The following NRG3 variants were observed in gnomAD, a reference collection of about 807,000 sequenced individuals.
The protein encoded by NRG3 is pro-neuregulin-3, membrane-bound isoform.
In NRG3, 31 loss-of-function variants were observed where a neutral mutation model predicts 66.9. The ratio of observed to expected loss-of-function variants is 0.46; its 90% CI spans 0.35 to 0.63. The LOEUF (loss-of-function observed/expected upper bound fraction) is 0.63. Among genes scored for constraint, NRG3 ranks in the 20% least tolerant of loss-of-function variants. The pLI, the probability that NRG3 is intolerant of heterozygous loss-of-function variation, is 0.00. For missense variants in NRG3, 910 were observed against 878.9 expected (o/e 1.04, Z -0.45); for synonymous variants, 393 against 359.4 (o/e 1.09, Z -1.06).
At chr10:82,503,680 C>G (rs925018797) in intron 2 of NRG3, among the ~76,000 whole-genome samples, 6 of 152,090 alleles carry the variant, frequency 3.9e-5, no homozygotes, top group African/African-American at 1.2e-4. Flanking sequence ...CTGTGGGATA[C>G]TACAACTTTG....
intron 1 of NRG3, among the ~76,000 whole-genome samples, chr10:82,258,178 T>C (rs2077833527): frequency 6.6e-6 from 1 of 152,226 alleles, no homozygotes; most frequent in Non-Finnish European, 1.5e-5. Context: ...TTAAAAATTA[T>C]TCCAACCTAG....
intron 3 of NRG3, among the ~76,000 whole-genome samples, chr10:82,806,397 T>G: frequency 6.6e-6 from 1 of 152,360 alleles, no homozygotes; most frequent in Middle Eastern, 3.4e-3. Context: ...TACTTAGTTT[T>G]TGCTGTTTTT....
chr10:82,467,126 G>A (rs1590229087), intron 2 of NRG3, among the ~76,000 whole-genome samples: 1 of 152,110 alleles, frequency 6.6e-6, no homozygotes, highest in African/African-American at 2.4e-5. Context: ...GCATGTGAAG[G>A]AGCCCTGTAA....
chr10:82,806,157 C>T (rs1233812812), intron 3 of NRG3, among the ~76,000 whole-genome samples: 1 of 152,130 alleles, frequency 6.6e-6, no homozygotes, highest in African/African-American at 2.4e-5. Flanking sequence ...AAGCAAGTGA[C>T]ACCTCAGGGA....
intron 2 of NRG3, among the ~76,000 whole-genome samples, chr10:82,690,927 A>T (rs2054875814): frequency 1.3e-5 from 2 of 152,178 alleles, no homozygotes; most frequent in South Asian, 4.1e-4. Context: ...GCCCCTGCTC[A>T]TTCTCTTTCT....
intron 2 of NRG3, among the ~76,000 whole-genome samples, chr10:82,654,583 G>A (rs2051695637): frequency 6.6e-6 from 1 of 152,128 alleles, no homozygotes; most frequent in South Asian, 2.1e-4. Context: ...ATTAATAAGT[G>A]AATGAACATT....
intron 6 of NRG3, among the ~76,000 whole-genome samples, chr10:82,964,294 A>C (rs1850979175): frequency 6.6e-6 from 1 of 152,160 alleles, no homozygotes; most frequent in Non-Finnish European, 1.5e-5. Flanking sequence ...GCCTACAGGA[A>C]ATAGTGAACG....
At chr10:82,895,478 A>G (rs990337444) in intron 4 of NRG3, among the ~76,000 whole-genome samples, 1 of 144,194 alleles carries the variant, frequency 6.9e-6, no homozygotes, top group African/African-American at 2.6e-5. Flanking sequence ...ATCCAGCACA[A>G]TAACATTCTT....
intron 1 of NRG3, among the ~76,000 whole-genome samples, chr10:81,904,193 A>G (rs1844368836): frequency 6.6e-6 from 1 of 151,842 alleles, no homozygotes; most frequent in Admixed American, 6.6e-5. Context: ...TATTTTTAGT[A>G]GAGGTGGGAT....
chr10:82,638,977 C>T (rs1157100810), intron 2 of NRG3, among the ~76,000 whole-genome samples: 6 of 152,068 alleles, frequency 3.9e-5, no homozygotes, highest in African/African-American at 1.4e-4. Context: ...ATCATATAAT[C>T]ATTAGGTCGT....
chr10:81,990,967 G>A (rs1278457184), intron 1 of NRG3, among the ~76,000 whole-genome samples: 1 of 152,110 alleles, frequency 6.6e-6, no homozygotes, highest in African/African-American at 2.4e-5. Flanking sequence ...TTGGCAATTT[G>A]TTTGTAACTA....
chr10:81,935,869 G>A (rs10786777), intron 1 of NRG3, among the ~76,000 whole-genome samples: 71,227 of 147,182 alleles, frequency 0.48, 20,596 homozygotes, highest in East Asian at 0.82. Flanking sequence ...ATACTTTTCA[G>A]TGCCTGAACA....
chr10:82,127,646 A>G (rs1168991349), intron 1 of NRG3, among the ~76,000 whole-genome samples: 10 of 152,046 alleles, frequency 6.6e-5, no homozygotes. Flanking sequence ...GAAGTGTGCC[A>G]CCCTTTCCTT....
chr10:82,251,005 G>C (rs1190775360), intron 1 of NRG3, among the ~76,000 whole-genome samples: 1 of 152,202 alleles, frequency 6.6e-6, no homozygotes, highest in African/African-American at 2.4e-5. Context: ...AAGTGAATTA[G>C]TCACCAATAC....
intron 2 of NRG3, among the ~76,000 whole-genome samples, chr10:82,473,809 G>A (rs557147705): frequency 3.9e-5 from 6 of 152,192 alleles, no homozygotes; most frequent in Middle Eastern, 3.4e-3. Context: ...AGATTTGACC[G>A]CAGTCTGAAG....
intron 2 of NRG3, among the ~76,000 whole-genome samples, chr10:82,360,256 C>T (rs2084044095): frequency 6.6e-6 from 1 of 152,206 alleles, no homozygotes; most frequent in Admixed American, 6.5e-5. Context: ...ATACAAAGCA[C>T]ACAAGTGACA....
intron 2 of NRG3, among the ~76,000 whole-genome samples, chr10:82,429,516 G>A (rs1032813912): frequency 1.3e-5 from 2 of 151,956 alleles, no homozygotes; most frequent in Non-Finnish European, 2.9e-5. Flanking sequence ...AAGACTCCTT[G>A]TGTACTGTAA....
chr10:82,097,525 C>A (rs901049584), intron 1 of NRG3, among the ~76,000 whole-genome samples: 1 of 148,340 alleles, frequency 6.7e-6, no homozygotes, highest in Non-Finnish European at 1.5e-5. Context: ...TTATATATAT[C>A]TGTGATATAT....
rs143307204 is a variant in NRG3 at position 82,673,912 on chromosome 10, G to A, written c.954-64665G>A. On this transcript the variant is annotated intron_variant, in intron 2 of 8. Coordinates refer to ENST00000372141, the MANE Select transcript of NRG3 (RefSeq NM_001010848.4). ...AGAGGGAAAGAACATAGATCCAGGA[G>A]AGAACGATCCTAGGGTTCAAGACTG... 2.9e-3 allele frequency among the ~76,000 whole-genome samples: 440 copies of A among 152,248 alleles called. 1 individual carries two copies. The highest frequency in any genetic ancestry group is 0.01 in the African/African-American group (420 of 41,534).
Sources: gnomAD v4.1 joint callset for allele counts (sites outside exome capture counted in the v4.1 genomes callset) on GRCh38, gnomAD v4.1.1 for gene constraint, MANE v1.5 for transcripts, NCBI Gene and HGNC (gene_info 2026-07-23, HGNC 2026-07-21) for gene names.